TARS3: variants seen among roughly 807,000 people sequenced by gnomAD.
TARS3 encodes threonine--tRNA ligase 2, cytoplasmic.
TARS3 carries 94 observed loss-of-function variants against 103.5 expected under a neutral mutation model. The observed-to-expected ratio is 0.91, with a 90% confidence interval of 0.77 to 1.08. The LOEUF is 1.08. Ranked by LOEUF, TARS3 falls within the 50% of genes least tolerant of loss-of-function variation. The pLI, the probability that TARS3 is intolerant of heterozygous loss-of-function variation, is 0.00. For synonymous variants in TARS3, 416 were observed against 355.4 expected (o/e 1.17, Z -1.92); for missense variants, 952 against 995.2 (o/e 0.96, Z 0.58).
intron 3 of TARS3, among the ~76,000 whole-genome samples, chr15:101,716,958 G>GT (rs1326702660): frequency 6.7e-6 from 1 of 149,650 alleles, no homozygotes; most frequent in Non-Finnish European, 1.5e-5. Flanking sequence ...CCGGGTTCAA[G>GT]TGATTCTCCT....
At chr15:101,702,109 C>G (rs1014364500) in intron 9 of TARS3, 130 bp downstream of exon 9, 1 of 1,005,874 alleles carries the variant, frequency 9.9e-7, no homozygotes, top group African/African-American at 1.6e-5. Context: ...GAGCAGCGGA[C>G]TGTGAGTGCC....
rs757735892 is a variant in TARS3 at position 101,702,381 on chromosome 15, G to T, written c.1079C>A (p.Ser360Tyr). 3.7e-6 allele frequency: 6 copies of T among 1,612,774 alleles called. No individual in the cohort carries two copies. In the East Asian group the frequency reaches 6.7e-5, roughly 18 times the overall value. ...KIKTIKIFKN[S>Y]STYWEGNPEM... ...CGGATTGCCCTCCCAATATGTTGAG[G>T]AATTCTAAATATCAAAGAGGATTTT... The change falls in exon 9 of 19, where the codon TCC becomes TAC. Residue 360 changes from serine (S) to tyrosine (Y), a missense_variant. Around this residue, in one of 2 missense-constraint regions of TARS3, gnomAD observed 540 missense variants for 631.0 expected, o/e 0.86. Coordinates refer to ENST00000335968, the MANE Select transcript of TARS3 (RefSeq NM_152334.3).
chr15:101,667,347 T>C (rs1596287251), intron 15 of TARS3, among the ~76,000 whole-genome samples: 1 of 152,196 alleles, frequency 6.6e-6, no homozygotes, highest in African/African-American at 2.4e-5. Flanking sequence ...AATAAGAGGG[T>C]GAGCCTCTCT....
intron 15 of TARS3, among the ~76,000 whole-genome samples, chr15:101,663,748 A>C (rs376683610): frequency 2.0e-5 from 3 of 152,288 alleles, no homozygotes; most frequent in East Asian, 1.9e-4. Flanking sequence ...ACATCTACTA[A>C]TAATAATTTT....
chr15:101,678,505 C>CT (rs60444420), intron 12 of TARS3, among the ~76,000 whole-genome samples: 20,469 of 148,016 alleles, frequency 0.14, 1,817 homozygotes, highest in African/African-American at 0.26. Flanking sequence ...CTGTCTATAG[C>CT]TTTTTTTTTT....
intron 5 of TARS3, among the ~76,000 whole-genome samples, chr15:101,710,603 A>G (rs548938997): frequency 1.3e-5 from 2 of 152,166 alleles, no homozygotes; most frequent in South Asian, 2.1e-4. Flanking sequence ...AAAAACCCAC[A>G]CCTTTGAGAT....
At position 101,675,015 on chromosome 15, in the gene TARS3, G is replaced by A. The variant is rs147951787; in HGVS notation, c.1788+585C>T. The stretch of plus-strand genomic sequence containing the variant: ...CAGGCAGAGCAGGGTGTCTGGCCAT[G>A]ACACCATCCTCATTTTTAATAAAAG... On this transcript the variant is annotated intron_variant, in intron 13 of 18. Coordinates refer to ENST00000335968, the MANE Select transcript of TARS3 (RefSeq NM_152334.3). Among the ~76,000 whole-genome samples, 131 of 152,094 alleles carry A rather than the reference G, an allele frequency of 8.6e-4. 2 individuals carry two copies. Among genetic ancestry groups the A allele is most frequent in the Admixed American group, 7.1e-3 (108 of 15,278 alleles).
Position 101,708,842 on chromosome 15 carries a change from G to A in TARS3, c.881C>T (p.Pro294Leu). The part of the protein sequence containing the change: ...ICKAIIKEKQ[P>L]FERLEVSKEI... ...CTTGCTGACTTCTAGTCTTTCAAAA[G>A]GTTGCTTTTCTTTTATGATGGCTTT... is the stretch of plus-strand genomic sequence containing the variant. The change falls in exon 6 of 19, where the codon CCT becomes CTT. Residue 294 changes from proline to leucine, a missense_variant. Physicochemically the swap from Pro to Leu is moderately conservative, Grantham distance 98. This residue lies in a region of TARS3 where 540 missense variants were observed against 631.0 expected (regional missense o/e 0.86). Transcript: ENST00000335968. 2 of 1,613,596 alleles carry A rather than the reference G, an allele frequency of 1.2e-6. No homozygotes were observed. The highest frequency in any genetic ancestry group is 3.3e-5 in the Admixed American group (2 of 59,940).
Position 101,665,510 on chromosome 15 carries a change from C to T in TARS3, c.1968-3694G>A, listed in dbSNP as rs115830283. Among the ~76,000 whole-genome samples the T allele has an allele frequency of 1.4e-3, 218 of 152,310 alleles. 1 individual carries two copies. Among genetic ancestry groups the T allele is most frequent in the African/African-American group, 5.1e-3 (211 of 41,574 alleles). On this transcript the variant is annotated intron_variant, in intron 15 of 18. Transcript: ENST00000335968. ...AAATTGTACAGCGTTATCATCTCAGCGTGTAGTGGCACACGTGCAAATAGC... is the reference window on the plus strand; with the variant it reads ...AAATTGTACAGCGTTATCATCTCAGTGTGTAGTGGCACACGTGCAAATAGC...
At chr15:101,721,487 TTTGTTG>T (rs1022619372) in intron 2 of TARS3, among the ~76,000 whole-genome samples, 165 bp from the exon 3 acceptor site, 1 of 152,034 alleles carries the variant, frequency 6.6e-6, no homozygotes, top group East Asian at 1.9e-4. Flanking sequence ...TGTTTTTTGG[TTTGTTG>T]TTGTTGTTGC....
At chr15:101,669,528 G>A (rs1017397368) in intron 15 of TARS3, among the ~76,000 whole-genome samples, 16 of 152,066 alleles carry the variant, frequency 1.1e-4, no homozygotes, top group Admixed American at 4.6e-4. Flanking sequence ...TTACTGACTC[G>A]CCTGGAGCAG....
intron 10 of TARS3, among the ~76,000 whole-genome samples, chr15:101,688,287 G>C (rs532304351): frequency 1.3e-5 from 2 of 152,198 alleles, no homozygotes; most frequent in Admixed American, 1.3e-4. Flanking sequence ...CTCTAGATTT[G>C]AACTTTTCAA....
At chr15:101,660,679 G>T (rs114853765) in intron 16 of TARS3, among the ~76,000 whole-genome samples, 146 of 152,296 alleles carry the variant, frequency 9.6e-4, no homozygotes, top group African/African-American at 3.4e-3. Flanking sequence ...ACCATCCCGG[G>T]GGATCACAAT....
chr15:101,675,309 C>T (rs889645807), intron 13 of TARS3, among the ~76,000 whole-genome samples: 1 of 152,156 alleles, frequency 6.6e-6, no homozygotes, highest in Admixed American at 6.5e-5. Context: ...CCGAGAGTTA[C>T]AGCAATCAGA....
intron 10 of TARS3, among the ~76,000 whole-genome samples, chr15:101,694,605 C>T (rs887920672): frequency 3.9e-5 from 6 of 152,172 alleles, no homozygotes; most frequent in African/African-American, 1.4e-4. Flanking sequence ...GGAAAAAAGA[C>T]ACAGGCAGAT....
At chr15:101,703,819 C>A in intron 8 of TARS3, 40 bp downstream of exon 8, 1 of 1,262,116 alleles carries the variant, frequency 7.9e-7, no homozygotes, top group Non-Finnish European at 1.2e-6. Context: ...ATAGCTAGTG[C>A]ACCTTAAGTT....
At chr15:101,669,550 G>A (rs1419215293) in intron 15 of TARS3, among the ~76,000 whole-genome samples, 1 of 152,134 alleles carries the variant, frequency 6.6e-6, no homozygotes, top group East Asian at 1.9e-4. Context: ...TTCCGGTTAT[G>A]CAAGCTCCAT....
intron 5 of TARS3, among the ~76,000 whole-genome samples, chr15:101,709,318 CAG>C (rs751100441): frequency 1.2e-4 from 18 of 152,236 alleles, no homozygotes; most frequent in Non-Finnish European, 2.4e-4. Context: ...GTATGGACTG[CAG>C]AGTCGCGGTG....
At chr15:101,690,510 C>T (rs2141413826) in intron 10 of TARS3, among the ~76,000 whole-genome samples, 1 of 152,270 alleles carries the variant, frequency 6.6e-6, no homozygotes, top group Non-Finnish European at 1.5e-5. Flanking sequence ...ACAAAACACA[C>T]ATACAGGATT....
Sources: allele counts gnomAD v4.1 joint callset (sites outside exome capture counted in the v4.1 genomes callset), GRCh38; gene constraint gnomAD v4.1.1; regional missense constraint gnomAD v4.1.1; transcripts MANE v1.5; gene names NCBI Gene and HGNC (gene_info 2026-07-23, HGNC 2026-07-21).